CACNA2D1: variants seen among roughly 807,000 people sequenced by gnomAD.
CACNA2D1 encodes the protein voltage-dependent calcium channel subunit alpha-2/delta-1.
In CACNA2D1, 53 loss-of-function variants were observed where a neutral mutation model predicts 171.5. That is an observed-to-expected ratio of 0.31 (90% CI 0.25 to 0.39). The LOEUF (loss-of-function observed/expected upper bound fraction) is 0.39. CACNA2D1 is among the 10% of genes least tolerant of loss of function. The pLI is 1.00. For missense variants in CACNA2D1, 903 were observed against 1,299.8 expected, an observed-to-expected ratio of 0.69 and a Z score of 4.69; for synonymous variants, 442 against 443.1, an observed-to-expected ratio of 1.00 and a Z score of 0.03.
intron 1 of CACNA2D1, among the ~76,000 whole-genome samples, chr7:82,412,585 G>C (rs1563517577): frequency 6.6e-6 from 1 of 151,848 alleles, no homozygotes; most frequent in Non-Finnish European, 1.5e-5. Context: ...GCCCGGCCTA[G>C]TGCTTGTAAC....
chr7:82,032,913 A>C lies in CACNA2D1; in HGVS notation c.1039-12T>G. ...CTGGAAACATTATACTGTTAAAAAC[A>C]AAACCAAACAAAACAATATGCGTAT... On this transcript the variant is annotated splice_polypyrimidine_tract_variant and intron_variant, in intron 11 of 38. Coordinates refer to ENST00000356860, the MANE Select transcript of CACNA2D1 (RefSeq NM_000722.4). 3 of 1,311,634 alleles carry C rather than the reference A, an allele frequency of 2.3e-6. No individual in the cohort carries two copies. The highest frequency in any genetic ancestry group is 3.3e-6 in the Non-Finnish European group (3 of 906,982). The allele number at this position is 1,311,634 out of a possible 1,614,324, so 81.2% of individuals were successfully genotyped here. A position where few individuals can be genotyped will look rare whatever the true frequency, so the allele number is the denominator to read the frequency against.
intron 3 of CACNA2D1, among the ~76,000 whole-genome samples, chr7:82,189,480 A>T (rs981783222): frequency 1.3e-5 from 2 of 151,976 alleles, no homozygotes; most frequent in Non-Finnish European, 2.9e-5. Flanking sequence ...CTATGGAAAT[A>T]ATCACGATGA....
chr7:82,356,946 A>C (rs1260983150), intron 1 of CACNA2D1, among the ~76,000 whole-genome samples: 1 of 152,198 alleles, frequency 6.6e-6, no homozygotes, highest in Non-Finnish European at 1.5e-5. Context: ...GTTGACTGGC[A>C]GTACAAGGTT....
chr7:82,064,384 C>G (rs749281965), intron 8 of CACNA2D1, 30 bp from the exon 9 acceptor site: 1 of 1,526,940 alleles, frequency 6.5e-7, no homozygotes, highest in Non-Finnish European at 9.1e-7. Context: ...AAATGCTTTT[C>G]TCTTCCAAAA....
chr7:82,165,928 GCT>G (rs1795411892), intron 4 of CACNA2D1, among the ~76,000 whole-genome samples: 2 of 151,882 alleles, frequency 1.3e-5, no homozygotes, highest in Admixed American at 1.3e-4. Flanking sequence ...ACAATGCTAC[GCT>G]CTCACTTTTT....
At chr7:82,139,091 T>C (rs1792052109) in intron 4 of CACNA2D1, among the ~76,000 whole-genome samples, 1 of 152,156 alleles carries the variant, frequency 6.6e-6, no homozygotes, top group South Asian at 2.1e-4. Flanking sequence ...CACACACTGT[T>C]GTGCCAAGAA....
intron 1 of CACNA2D1, among the ~76,000 whole-genome samples, chr7:82,367,589 A>C (rs1403613031): frequency 6.6e-6 from 1 of 152,186 alleles, no homozygotes; most frequent in Non-Finnish European, 1.5e-5. Context: ...TTTCTCCAGA[A>C]TGTAAACAGC....
intron 2 of CACNA2D1, among the ~76,000 whole-genome samples, chr7:82,339,093 G>A (rs972320781): frequency 2.0e-5 from 3 of 152,104 alleles, no homozygotes; most frequent in African/African-American, 7.2e-5. Flanking sequence ...TTCTCCCTGC[G>A]CCCAGGCATG....
At chr7:82,361,792 A>G (rs971810693) in intron 1 of CACNA2D1, among the ~76,000 whole-genome samples, 1 of 152,186 alleles carries the variant, frequency 6.6e-6, no homozygotes, top group African/African-American at 2.4e-5. Flanking sequence ...ATTTAGTATC[A>G]TATAATTTGC....
At chr7:82,273,134 C>A (rs2129354136) in intron 3 of CACNA2D1, among the ~76,000 whole-genome samples, 1 of 152,090 alleles carries the variant, frequency 6.6e-6, no homozygotes, top group East Asian at 1.9e-4. Context: ...AACTTCGTTG[C>A]CTAAAAAATA....
At chr7:82,308,857 G>C (rs1814064031) in intron 3 of CACNA2D1, among the ~76,000 whole-genome samples, 1 of 152,130 alleles carries the variant, frequency 6.6e-6, no homozygotes, top group African/African-American at 2.4e-5. Flanking sequence ...AATTCACCTA[G>C]GGCCATCCCT....
At chr7:82,223,369 C>T (rs1438275075) in intron 3 of CACNA2D1, among the ~76,000 whole-genome samples, 1 of 152,138 alleles carries the variant, frequency 6.6e-6, no homozygotes, top group Non-Finnish European at 1.5e-5. Context: ...AAATTTGTTT[C>T]CCCAAGGTAT....
intron 3 of CACNA2D1, among the ~76,000 whole-genome samples, chr7:82,281,801 A>G (rs1487440688): frequency 7.4e-6 from 1 of 134,328 alleles, no homozygotes; most frequent in Non-Finnish European, 1.6e-5. Flanking sequence ...TATAAATTTA[A>G]AATATTATAT....
At chr7:82,116,981 A>C in intron 6 of CACNA2D1, 63 bp downstream of exon 6, 1 of 1,574,108 alleles carries the variant, frequency 6.4e-7, no homozygotes, top group Non-Finnish European at 8.7e-7. Context: ...CCCCTCAAAC[A>C]TGGGAAACAT....
chr7:82,208,646 T>C (rs969881160), intron 3 of CACNA2D1, among the ~76,000 whole-genome samples: 2 of 151,932 alleles, frequency 1.3e-5, no homozygotes, highest in East Asian at 3.8e-4. Context: ...AGAAATATCT[T>C]TACTTTATCA....
At chr7:82,155,270 C>T (rs961806507) in intron 4 of CACNA2D1, among the ~76,000 whole-genome samples, 5 of 151,894 alleles carry the variant, frequency 3.3e-5, no homozygotes, top group Non-Finnish European at 2.9e-5. Flanking sequence ...ATGCAAGAAC[C>T]GACTAATAGA....
chr7:82,287,966 C>T (rs1482769455), intron 3 of CACNA2D1, among the ~76,000 whole-genome samples: 1 of 150,878 alleles, frequency 6.6e-6, no homozygotes, highest in Non-Finnish European at 1.5e-5. Flanking sequence ...GAGTAGCTGG[C>T]ACTACAGGAG....
chr7:82,148,749 T>C (rs1793448086), intron 4 of CACNA2D1, among the ~76,000 whole-genome samples: 1 of 152,178 alleles, frequency 6.6e-6, no homozygotes, highest in Admixed American at 6.5e-5. Flanking sequence ...GTGATTCTCC[T>C]GCCTCAGCCT....
intron 3 of CACNA2D1, among the ~76,000 whole-genome samples, chr7:82,312,217 T>C (rs891729264): frequency 6.6e-6 from 1 of 152,212 alleles, no homozygotes; most frequent in Non-Finnish European, 1.5e-5. Context: ...TACCCGTTAC[T>C]AGTTTCCAGC....
Sources: gnomAD v4.1 joint callset for allele counts (sites outside exome capture counted in the v4.1 genomes callset) on GRCh38, gnomAD v4.1.1 for gene constraint, MANE v1.5 for transcripts, NCBI Gene and HGNC (gene_info 2026-07-23, HGNC 2026-07-21) for gene names.